AMOTL2: variants seen among roughly 807,000 people sequenced by gnomAD.
AMOTL2 encodes the protein angiomotin-like protein 2.
A neutral mutation model predicts 78.4 loss-of-function variants in AMOTL2; 33 were observed. That is an observed-to-expected ratio of 0.42 (90% CI 0.32 to 0.56). AMOTL2 has a LOEUF of 0.56. Among genes scored for constraint, AMOTL2 ranks in the 20% least tolerant of loss-of-function variants. The pLI is 0.12. For missense variants in AMOTL2, 983 were observed against 1,030.1 expected, an observed-to-expected ratio of 0.95 and a Z score of 0.63; for synonymous variants, 422 against 428.8, an observed-to-expected ratio of 0.98 and a Z score of 0.20.
chr3:134,371,650 A>C, intron 1 of AMOTL2, 156 bp from the exon 2 acceptor site: 8 of 1,244,734 alleles, frequency 6.4e-6, no homozygotes, highest in Non-Finnish European at 8.6e-6. Flanking sequence ...TTCAAGTACC[A>C]GTGCTGCCAT....
At chr3:134,363,691 A>G (rs1253864393) in intron 5 of AMOTL2, among the ~76,000 whole-genome samples, 1 of 152,212 alleles carries the variant, frequency 6.6e-6, no homozygotes, top group Non-Finnish European at 1.5e-5. Flanking sequence ...GGAAAAGCAG[A>G]TGGCATTGGT....
At chr3:134,374,542 A>T (rs1045052066), upstream of AMOTL2, 2 of 985,234 alleles carry the variant, frequency 2.0e-6, no homozygotes, top group Non-Finnish European at 2.4e-6. Context: ...CCCCCTCGGG[A>T]TCAAAGCGAA....
intron 2 of AMOTL2, among the ~76,000 whole-genome samples, chr3:134,368,771 G>A (rs2017721131): frequency 1.3e-5 from 2 of 152,156 alleles, no homozygotes; most frequent in South Asian, 4.1e-4. Flanking sequence ...GCTGCCTCTG[G>A]ACTACTGTGG....
chr3:134,357,630 C>T lies in AMOTL2; in HGVS notation c.*75G>A. On this transcript the variant is annotated 3_prime_UTR_variant, in exon 10 of 10. Coordinates refer to ENST00000249883, the MANE Select transcript of AMOTL2 (RefSeq NM_016201.4). ...AGGGACGGAGCAGCGGTTGACGGGG[C>T]TGCTGAAATGGCTGAGAGTGGCACA... 1 of 1,452,792 alleles carries T rather than the reference C, an allele frequency of 6.9e-7. No homozygotes were observed. 90.0% of individuals were successfully genotyped at this position (1,452,792 alleles called of 1,614,324 possible).
Position 134,361,737 on chromosome 3 carries a change from G to T in AMOTL2, c.1350C>A (p.Asp450Glu). 6.2e-7 allele frequency: 1 copy of T among 1,605,198 alleles called. No individual in the cohort carries two copies. ...CCAGCAGCTCGGCACGCCGCCGCTG[G>T]TCCTCGATGGCGCCGCGCAGCAGTG... ...EMALLRGAIE[D>E]QRRRAELLEQ... The change falls in exon 6 of 10, where the codon GAC (aspartate) becomes GAA (glutamate). Residue 450 changes from aspartate to glutamate, a missense_variant. By Grantham distance (45) the Asp-to-Glu change is conservative (BLOSUM62 2). Transcript: ENST00000249883.
rs1192418517 is a variant in AMOTL2 at position 134,371,294 on chromosome 3, C to A, written c.140G>T (p.Gly47Val). The A allele has an allele frequency of 2.5e-6, 4 of 1,612,296 alleles. No homozygotes were observed. In the South Asian group the frequency reaches 4.4e-5, roughly 18 times the overall value. Reference protein sequence around the residue: ...QALRGGAGTGGTGSPQASLEI... With the variant: ...QALRGGAGTGVTGSPQASLEI... Reference sequence around the variant, plus strand: ...CAGGGAGGCCTGGGGGCTCCCTGTACCCCCAGTTCCAGCCCCACCCCTCAG... The same window carrying A: ...CAGGGAGGCCTGGGGGCTCCCTGTAACCCCAGTTCCAGCCCCACCCCTCAG... The change falls in exon 2 of 10, where the codon GGT becomes GTT. Residue 47 changes from glycine (G) to valine (V), a missense_variant. Transcript: ENST00000249883.
At chr3:134,374,642 G>A (rs1434202526), upstream of AMOTL2, 6 of 984,390 alleles carry the variant, frequency 6.1e-6, no homozygotes, top group East Asian at 1.1e-4. Flanking sequence ...CCGGGGAGGC[G>A]GCGCTGCTGG....
In AMOTL2 at chr3:134,360,101, C is replaced by A. The variant is rs754408398; in HGVS notation, c.1883+5G>T. On this transcript the variant is annotated splice_donor_5th_base_variant and intron_variant, in intron 7 of 9. Coordinates refer to ENST00000249883, the MANE Select transcript of AMOTL2 (RefSeq NM_016201.4). Reference sequence around the variant, plus strand: ...ACCTCAGGTGCCTGGCCTGCAATGCCGAACCTGCTTTCCATCTCCTGATGC... The same window carrying A: ...ACCTCAGGTGCCTGGCCTGCAATGCAGAACCTGCTTTCCATCTCCTGATGC... 1.3e-5 allele frequency: 21 copies of A among 1,600,518 alleles called. No homozygotes were observed. In the South Asian group the frequency reaches 2.3e-4, roughly 18 times the overall value.
intron 5 of AMOTL2, 150 bp from the exon 6 acceptor site, chr3:134,361,957 C>T (rs2017387927): frequency 1.3e-6 from 1 of 752,116 alleles, no homozygotes; most frequent in Non-Finnish European, 2.1e-6. Flanking sequence ...AACCCTGTTT[C>T]ATGGAAGAAG....
rs144214322 is a variant in AMOTL2 at position 134,355,939 on chromosome 3, G to A, written c.*1766C>T. 2.3e-4 allele frequency: 35 copies of A among 152,536 alleles called. No homozygotes were observed. Among genetic ancestry groups the A allele is most frequent in the Admixed American group, 7.2e-4 (11 of 15,292 alleles). The allele number at this position is 152,536 out of a possible 1,614,324, so 9.4% of individuals were successfully genotyped here. A position where few individuals can be genotyped will look rare whatever the true frequency, so the allele number is the denominator to read the frequency against. On this transcript the variant is annotated 3_prime_UTR_variant, in exon 10 of 10. Coordinates refer to ENST00000249883, the MANE Select transcript of AMOTL2 (RefSeq NM_016201.4). ...CCAGTGGAATGCGGCAGCAATCCTG[G>A]TACAGGGTGGCATAACAAAACAGCC...
chr3:134,370,840 G>C lies in AMOTL2; in HGVS notation c.594C>G (p.Gly198=), dbSNP rs749390767. The C allele has an allele frequency of 6.3e-7, 1 of 1,595,660 alleles. No individual in the cohort carries two copies. The highest frequency in any genetic ancestry group is 1.7e-5 in the Admixed American group (1 of 58,518). ...GGGACTCTGGGCCCTCAGCAGGGGGGCCCCTCAGTGGGGGGCCCTGCTGGT... is the reference window on the plus strand; with the variant it reads ...GGGACTCTGGGCCCTCAGCAGGGGGCCCCCTCAGTGGGGGGCCCTGCTGGT... ...ARNQQGPPLR[G]PPAEGPESRG... is the part of the protein sequence containing the mutation. The change falls in exon 2 of 10, where the codon GGC becomes GGG. Residue 198 remains glycine (G), a synonymous_variant. Coordinates refer to ENST00000249883, the MANE Select transcript of AMOTL2 (RefSeq NM_016201.4).
Position 134,371,479 on chromosome 3 carries a change from C to T in AMOTL2, c.-46G>A, listed in dbSNP as rs1250008504. On this transcript the variant is annotated 5_prime_UTR_variant, in exon 2 of 10. The change creates a new upstream start codon in the 5' untranslated region. Coordinates refer to ENST00000249883, the MANE Select transcript of AMOTL2 (RefSeq NM_016201.4). Reference sequence around the variant, plus strand: ...GCTGCCTGGACAATGGCCGGTGGCACCTGGCCCCAGAGCACCTGGAGTGGG... The same window carrying T: ...GCTGCCTGGACAATGGCCGGTGGCATCTGGCCCCAGAGCACCTGGAGTGGG... The T allele has an allele frequency of 3.8e-6, 6 of 1,589,616 alleles. No homozygotes were observed. The highest frequency in any genetic ancestry group is 2.2e-5 in the South Asian group (2 of 90,934).
chr3:134,367,894 C>G, intron 2 of AMOTL2, 91 bp from the exon 3 acceptor site: 1 of 1,031,618 alleles, frequency 9.7e-7, no homozygotes, highest in East Asian at 2.6e-5. Flanking sequence ...CCTAGGCATA[C>G]TGGGAAGATG....
chr3:134,358,527 CAGG>C lies in AMOTL2; in HGVS notation c.2284+10_2284+12del. 6 of 1,609,606 alleles carry C rather than the reference CAGG, an allele frequency of 3.7e-6. No homozygotes were observed. The highest frequency in any genetic ancestry group is 5.1e-6 in the Non-Finnish European group (6 of 1,177,612). The stretch of plus-strand genomic sequence containing the variant: ...GCCCTACCTAGCACAGAAGTGGGGT[CAGG>C]AGGACTTACCCAGAGAGGCTGCTCT... On this transcript the variant is annotated intron_variant, in intron 9 of 9. Transcript: ENST00000249883.
chr3:134,374,909 G>A, upstream of AMOTL2: 2 of 1,252,838 alleles, frequency 1.6e-6, no homozygotes, highest in East Asian at 4.2e-5. Flanking sequence ...GGCTGTGTGT[G>A]TGTGTGTGTG....
At chr3:134,358,745 G>A in intron 8 of AMOTL2, 26 bp from the exon 9 acceptor site, 1 of 1,613,296 alleles carries the variant, frequency 6.2e-7, no homozygotes, top group Non-Finnish European at 8.5e-7. Flanking sequence ...GATGGTTATT[G>A]CCATGCCTGT....
chr3:134,375,257 C>T (rs780028527), upstream of AMOTL2: 4 of 1,535,420 alleles, frequency 2.6e-6, no homozygotes, highest in African/African-American at 2.7e-5. Context: ...CGCCCCTTTA[C>T]GCAGAGTGCA....
In AMOTL2 at chr3:134,367,094, AGAG is replaced by A. The variant is rs201513784; in HGVS notation, c.1041+400_1041+402del. Among the ~76,000 whole-genome samples, 471 of 151,958 alleles carry A rather than the reference AGAG, an allele frequency of 3.1e-3. 1 individual carries two copies. Among genetic ancestry groups the A allele is most frequent in the Middle Eastern group, 0.02 (6 of 294 alleles). ...CAACAAGTCGCCCATTTTTTTTCCA[AGAG>A]GAGAAGTTTTCTTTTTGGCCAGGGC... is the stretch of plus-strand genomic sequence containing the variant. On this transcript the variant is annotated intron_variant, in intron 3 of 9. Coordinates refer to ENST00000249883, the MANE Select transcript of AMOTL2 (RefSeq NM_016201.4).
At chr3:134,375,334 G>T (rs1367353308), upstream of AMOTL2, 1 of 1,181,132 alleles carries the variant, frequency 8.5e-7, no homozygotes, top group Non-Finnish European at 1.2e-6. Context: ...CTCCAACGGA[G>T]TTCTGTTATC....
Sources: gnomAD v4.1 joint callset for allele counts (sites outside exome capture counted in the v4.1 genomes callset) on GRCh38, gnomAD v4.1.1 for gene constraint, MANE v1.5 for transcripts, NCBI Gene and HGNC (gene_info 2026-07-23, HGNC 2026-07-21) for gene names.